Variants in ATRNL1 observed in about 807,000 individuals in gnomAD.
ATRNL1 encodes attractin-like protein 1.
ATRNL1 carries 95 observed loss-of-function variants against 182.7 expected under a neutral mutation model. That is an observed-to-expected ratio of 0.52 (90% CI 0.44 to 0.62). The LOEUF is 0.62. Ranked by LOEUF, ATRNL1 falls within the 20% of genes least tolerant of loss-of-function variation. The pLI, the probability that ATRNL1 is intolerant of heterozygous loss-of-function variation, is 0.00. For synonymous variants in ATRNL1, 576 were observed against 568.3 expected, an observed-to-expected ratio of 1.01 and a Z score of -0.19; for missense variants, 1,471 against 1,679.5, an observed-to-expected ratio of 0.88 and a Z score of 2.17.
At chr10:115,447,654 T>A (rs1404129770) in intron 21 of ATRNL1, among the ~76,000 whole-genome samples, 6 of 151,928 alleles carry the variant, frequency 3.9e-5, no homozygotes, top group Non-Finnish European at 8.8e-5. Context: ...TCTACAGGTA[T>A]AACATTTATT....
chr10:115,380,034 G>A (rs1282820095), intron 19 of ATRNL1, among the ~76,000 whole-genome samples: 3 of 152,080 alleles, frequency 2.0e-5, no homozygotes, highest in Non-Finnish European at 4.4e-5. Flanking sequence ...GTTTCACCCT[G>A]GTAGCCAGGA....
intron 5 of ATRNL1, among the ~76,000 whole-genome samples, chr10:115,154,653 A>T (rs576474410): frequency 2.2e-4 from 33 of 152,102 alleles, no homozygotes; most frequent in Non-Finnish European, 4.0e-4. Context: ...TGATGAGAAG[A>T]TGTGTATTTT....
intron 7 of ATRNL1, among the ~76,000 whole-genome samples, chr10:115,167,085 A>G (rs1450858673): frequency 1.3e-5 from 2 of 151,952 alleles, no homozygotes; most frequent in African/African-American, 4.8e-5. Context: ...GTCTGATGTA[A>G]GGGTCCATTT....
intron 6 of ATRNL1, among the ~76,000 whole-genome samples, chr10:115,161,430 G>A (rs951837621): frequency 5.9e-5 from 9 of 151,918 alleles, no homozygotes; most frequent in Non-Finnish European, 1.0e-4. Context: ...ATATTTAAAT[G>A]TGAAAATTAA....
chr10:115,102,951 TG>T (rs1479943926), intron 1 of ATRNL1, among the ~76,000 whole-genome samples: 5 of 152,130 alleles, frequency 3.3e-5, no homozygotes, highest in African/African-American at 1.2e-4. Flanking sequence ...CATTGCAGTA[TG>T]TTTTTTTCAT....
chr10:115,663,333 T>C (rs1194983951), intron 26 of ATRNL1, among the ~76,000 whole-genome samples: 1 of 152,084 alleles, frequency 6.6e-6, no homozygotes, highest in Non-Finnish European at 1.5e-5. Context: ...TATATTATAA[T>C]TTCAGCCATT....
At chr10:115,551,384 G>A (rs1852976598) in intron 26 of ATRNL1, among the ~76,000 whole-genome samples, 1 of 151,386 alleles carries the variant, frequency 6.6e-6, no homozygotes, top group Non-Finnish European at 1.5e-5. Flanking sequence ...TTCAATATAT[G>A]TGGTAGATGT....
At chr10:115,122,929 C>T (rs1469750241) in intron 3 of ATRNL1, among the ~76,000 whole-genome samples, 3 of 152,070 alleles carry the variant, frequency 2.0e-5, no homozygotes, top group Admixed American at 1.3e-4. Context: ...TCAGTTCATA[C>T]ATTTATTTTT....
chr10:115,275,122 C>T (rs1031803898), intron 13 of ATRNL1, among the ~76,000 whole-genome samples: 5 of 152,100 alleles, frequency 3.3e-5, no homozygotes, highest in Non-Finnish European at 4.4e-5. Context: ...CTTGGCTTTT[C>T]GCTCCGTAAT....
chr10:115,176,288 G>A (rs1361066295), intron 8 of ATRNL1, among the ~76,000 whole-genome samples: 3 of 152,056 alleles, frequency 2.0e-5, no homozygotes, highest in African/African-American at 4.8e-5. Flanking sequence ...TTCTTTTGCT[G>A]TGCAGAAGCT....
At chr10:115,659,838 C>T (rs950371354) in intron 26 of ATRNL1, among the ~76,000 whole-genome samples, 25 of 151,718 alleles carry the variant, frequency 1.6e-4, no homozygotes, top group Admixed American at 1.5e-3. Flanking sequence ...CTTACAAAAC[C>T]AAAAAAGGAA....
chr10:115,644,039 A>T (rs1859439851), intron 26 of ATRNL1, among the ~76,000 whole-genome samples: 1 of 152,182 alleles, frequency 6.6e-6, no homozygotes, highest in Non-Finnish European at 1.5e-5. Flanking sequence ...TTATTCATAA[A>T]CACCAAAACC....
At chr10:115,667,398 CT>C (rs1162252689) in intron 26 of ATRNL1, among the ~76,000 whole-genome samples, 4 of 152,140 alleles carry the variant, frequency 2.6e-5, no homozygotes, top group Non-Finnish European at 5.9e-5. Context: ...AGAAGTTCCT[CT>C]TTTCCATGTT....
At chr10:115,430,025 C>G (rs902266681) in intron 21 of ATRNL1, among the ~76,000 whole-genome samples, 4 of 152,122 alleles carry the variant, frequency 2.6e-5, no homozygotes, top group African/African-American at 4.8e-5. Context: ...GAGCCGAGAT[C>G]GCGCCACTGC....
intron 26 of ATRNL1, among the ~76,000 whole-genome samples, chr10:115,641,386 G>A (rs1323394326): frequency 6.6e-6 from 1 of 152,130 alleles, no homozygotes; most frequent in African/African-American, 2.4e-5. Flanking sequence ...CCTCTGTCAT[G>A]CTTTCACAGA....
intron 21 of ATRNL1, among the ~76,000 whole-genome samples, chr10:115,444,536 T>G (rs1390561219): frequency 6.6e-6 from 1 of 152,086 alleles, no homozygotes; most frequent in African/African-American, 2.4e-5. Flanking sequence ...ATATTCATAT[T>G]TCTGTATAAT....
chr10:115,154,890 G>A (rs1846429757), intron 5 of ATRNL1, among the ~76,000 whole-genome samples: 1 of 152,066 alleles, frequency 6.6e-6, no homozygotes, highest in Non-Finnish European at 1.5e-5. Flanking sequence ...CACCCCTACG[G>A]CCCAAAGATT....
chr10:115,485,659 A>AT (rs201555805), intron 24 of ATRNL1, among the ~76,000 whole-genome samples: 106 of 151,840 alleles, frequency 7.0e-4, no homozygotes, highest in African/African-American at 2.4e-3. Flanking sequence ...CAACGTCTTT[A>AT]TTTTTTTTAA....
intron 11 of ATRNL1, among the ~76,000 whole-genome samples, chr10:115,266,261 G>T (rs1255029129): frequency 2.6e-5 from 4 of 151,322 alleles, no homozygotes; most frequent in African/African-American, 9.7e-5. Context: ...AAATCTTTTT[G>T]ATTATTTTAC....
Sources: gnomAD v4.1 joint callset for allele counts (sites outside exome capture counted in the v4.1 genomes callset) on GRCh38, gnomAD v4.1.1 for gene constraint, MANE v1.5 for transcripts, NCBI Gene and HGNC (gene_info 2026-07-23, HGNC 2026-07-21) for gene names.